Variants in KCNIP4 observed in about 807,000 individuals in gnomAD.
KCNIP4 encodes the protein potassium voltage-gated channel interacting protein 4.
Under a neutral mutation model 34.0 loss-of-function variants are expected in KCNIP4, and 12 were observed. That is an observed-to-expected ratio of 0.35 (90% CI 0.23 to 0.57). The LOEUF is 0.57. KCNIP4 is among the 20% of genes least tolerant of loss of function. KCNIP4 has a pLI of 0.83. For synonymous variants in KCNIP4, 124 were observed against 102.2 expected, an observed-to-expected ratio of 1.21 and a Z score of -1.29; for missense variants, 238 against 311.7, an observed-to-expected ratio of 0.76 and a Z score of 1.78.
chr4:20,786,671 T>C (rs759284549), intron 3 of KCNIP4, among the ~76,000 whole-genome samples: 3 of 152,094 alleles, frequency 2.0e-5, no homozygotes, highest in Non-Finnish European at 4.4e-5. Flanking sequence ...AAAAGACAAT[T>C]TCTTGCTCAT....
chr4:21,291,502 A>T (rs1023420486), intron 1 of KCNIP4, among the ~76,000 whole-genome samples: 1 of 152,108 alleles, frequency 6.6e-6, no homozygotes, highest in Non-Finnish European at 1.5e-5. Flanking sequence ...CTAATAAGAG[A>T]TGATTTACGG....
intron 1 of KCNIP4, among the ~76,000 whole-genome samples, chr4:21,330,429 C>A (rs920797951): frequency 2.6e-5 from 4 of 152,050 alleles, no homozygotes; most frequent in African/African-American, 7.2e-5. Flanking sequence ...TAGATAATAA[C>A]ATTTATAGTT....
intron 3 of KCNIP4, among the ~76,000 whole-genome samples, chr4:20,815,078 T>C (rs546932106): frequency 6.6e-6 from 1 of 152,298 alleles, no homozygotes; most frequent in South Asian, 2.1e-4. Flanking sequence ...ATGATTATTA[T>C]TGCTACTACT....
At chr4:20,740,268 G>A (rs1750744915) in intron 5 of KCNIP4, among the ~76,000 whole-genome samples, 1 of 152,086 alleles carries the variant, frequency 6.6e-6, no homozygotes, top group East Asian at 1.9e-4. Context: ...GCAATTCCAA[G>A]ACACATAAAT....
intron 1 of KCNIP4, among the ~76,000 whole-genome samples, chr4:21,859,809 G>A (rs6814698): frequency 0.14 from 21,886 of 151,982 alleles, 1,788 homozygotes; most frequent in African/African-American, 0.23. Context: ...TGAGAAGATC[G>A]CTTGAGCCCG....
chr4:21,710,910 T>C (rs1269522013), intron 1 of KCNIP4, among the ~76,000 whole-genome samples: 1 of 152,212 alleles, frequency 6.6e-6, no homozygotes, highest in Non-Finnish European at 1.5e-5. Flanking sequence ...ATGTTTTCAG[T>C]TGTACTGCTA....
intron 1 of KCNIP4, among the ~76,000 whole-genome samples, chr4:21,234,095 T>TAACAC (rs1560198123): frequency 1.8e-5 from 2 of 111,346 alleles, no homozygotes; most frequent in African/African-American, 4.6e-5. Flanking sequence ...GTATATTATA[T>TAACAC]ATAACATATA....
chr4:21,465,858 G>A (rs1471017930), intron 1 of KCNIP4, among the ~76,000 whole-genome samples: 2 of 152,190 alleles, frequency 1.3e-5, no homozygotes, highest in Non-Finnish European at 2.9e-5. Flanking sequence ...TAGGAGTTAA[G>A]GCTCATTCTG....
intron 1 of KCNIP4, chr4:21,304,444 T>A (rs1342228941): frequency 6.6e-6 from 1 of 152,448 alleles, no homozygotes; most frequent in African/African-American, 2.4e-5. Flanking sequence ...CACCAGTGGC[T>A]TTGTTGGGCC....
At chr4:21,606,398 T>C (rs1743673737) in intron 1 of KCNIP4, among the ~76,000 whole-genome samples, 1 of 152,176 alleles carries the variant, frequency 6.6e-6, no homozygotes, top group South Asian at 2.1e-4. Context: ...ATTACTTTTC[T>C]ATTGCTGCTG....
intron 1 of KCNIP4, among the ~76,000 whole-genome samples, chr4:21,796,888 G>C (rs1362221330): frequency 6.6e-6 from 1 of 152,186 alleles, no homozygotes; most frequent in East Asian, 1.9e-4. Context: ...GTATTTTACA[G>C]TAAAATGATT....
At chr4:20,830,683 ATGT>A (rs1209175624) in intron 3 of KCNIP4, among the ~76,000 whole-genome samples, 1 of 151,298 alleles carries the variant, frequency 6.6e-6, no homozygotes, top group Non-Finnish European at 1.5e-5. Context: ...TACAGAAAAA[ATGT>A]ATAGAGAAAT....
chr4:21,569,907 C>T (rs1271641799), intron 1 of KCNIP4, among the ~76,000 whole-genome samples: 1 of 152,000 alleles, frequency 6.6e-6, no homozygotes, highest in African/African-American at 2.4e-5. Flanking sequence ...ACTGAGGGGG[C>T]CTGGCTGTTT....
intron 1 of KCNIP4, among the ~76,000 whole-genome samples, chr4:21,939,147 C>A (rs111789606): frequency 1.8e-4 from 27 of 152,142 alleles, no homozygotes; most frequent in African/African-American, 4.8e-4. Context: ...TTAGTTTTAC[C>A]CTTTTACAGT....
At chr4:21,150,676 C>T (rs1344695467) in intron 1 of KCNIP4, among the ~76,000 whole-genome samples, 1 of 152,110 alleles carries the variant, frequency 6.6e-6, no homozygotes, top group Non-Finnish European at 1.5e-5. Flanking sequence ...TGTGTGGTTA[C>T]CCACACAATA....
intron 1 of KCNIP4, among the ~76,000 whole-genome samples, chr4:21,522,656 C>A (rs1472026169): frequency 6.6e-6 from 1 of 152,058 alleles, no homozygotes; most frequent in Non-Finnish European, 1.5e-5. Context: ...TGGCTAAAAT[C>A]ATGAGCTCTG....
chr4:21,710,271 C>G (rs537306290), intron 1 of KCNIP4, among the ~76,000 whole-genome samples: 2 of 152,232 alleles, frequency 1.3e-5, no homozygotes, highest in East Asian at 3.9e-4. Context: ...CATTTCCCAA[C>G]AGCAGTCTGA....
intron 1 of KCNIP4, among the ~76,000 whole-genome samples, chr4:21,682,963 A>G (rs186347705): frequency 2.7e-4 from 41 of 152,362 alleles, no homozygotes; most frequent in African/African-American, 9.9e-4. Flanking sequence ...AATGTGACTC[A>G]GAAACATGAA....
chr4:21,812,083 C>A (rs1008150083), intron 1 of KCNIP4, among the ~76,000 whole-genome samples: 10 of 152,154 alleles, frequency 6.6e-5, no homozygotes, highest in Non-Finnish European at 7.4e-5. Flanking sequence ...TCCCATGTAA[C>A]AAACAAATTG....
Sources: gnomAD v4.1 joint callset for allele counts (sites outside exome capture counted in the v4.1 genomes callset) on GRCh38, gnomAD v4.1.1 for gene constraint, MANE v1.5 for transcripts, NCBI Gene and HGNC (gene_info 2026-07-23, HGNC 2026-07-21) for gene names.